SRMS: variants seen among roughly 807,000 people sequenced by gnomAD.
SRMS encodes the protein tyrosine-protein kinase Srms.
In SRMS, 42 loss-of-function variants were observed where a neutral mutation model predicts 43.5. The observed-to-expected ratio is 0.97, with a 90% CI of 0.75 to 1.25. The LOEUF is 1.25. SRMS is among the 50% of genes most tolerant of loss of function. The probability of loss-of-function intolerance (pLI) is 0.00; values close to 1 mark genes in which losing one functional copy is unlikely to be tolerated. For missense variants in SRMS, 703 were observed against 681.0 expected, an observed-to-expected ratio of 1.03 and a Z score of -0.36; for synonymous variants, 316 against 308.2, an observed-to-expected ratio of 1.03 and a Z score of -0.27.
chr20:63,546,238 AG>A (rs1292229909), intron 1 of SRMS, among the ~76,000 whole-genome samples: 4 of 152,050 alleles, frequency 2.6e-5, no homozygotes, highest in African/African-American at 9.7e-5. Context: ...GTGTGGGGTG[AG>A]GGCCTGGGGC....
chr20:63,541,741 G>T, intron 5 of SRMS, 121 bp from the exon 6 acceptor site: 1 of 1,253,228 alleles, frequency 8.0e-7, no homozygotes, highest in Non-Finnish European at 1.1e-6. Flanking sequence ...GGCGAGGATG[G>T]CATGGCCGGC....
At chr20:63,541,657 G>T (rs1261554943) in intron 5 of SRMS, 37 bp from the exon 6 acceptor site, 3 of 1,468,434 alleles carry the variant, frequency 2.0e-6, no homozygotes, top group Non-Finnish European at 2.7e-6. Flanking sequence ...AGGGCACGGG[G>T]CCAACGGCCG....
In SRMS at chr20:63,542,216, A is replaced by G. The variant is rs756841373; in HGVS notation, c.893T>C (p.Val298Ala). 2 of 1,612,516 alleles carry G rather than the reference A, an allele frequency of 1.2e-6. No individual in the cohort carries two copies. The change falls in exon 5 of 8, where the codon GTG (valine) becomes GCG (alanine). Residue 298 changes from valine (V) to alanine (A), a missense_variant. Transcript: ENST00000217188. The stretch of plus-strand genomic sequence containing the variant: ...GCGCATGAGTTCCGTGACGATGTAC[A>G]CAGGCTCCCCGCCCGAGCACACTGC... ...LHAVCSGGEP[V>A]YIVTELMRKG...
Position 63,540,732 on chromosome 20 carries a change from G to T in SRMS, c.*86C>A. ...CCACAGCCAGAGGCTCCTCGGTCCGGCAGACCGGCATCCCTTCGAGTTGGC... is the reference window on the plus strand; with the variant it reads ...CCACAGCCAGAGGCTCCTCGGTCCGTCAGACCGGCATCCCTTCGAGTTGGC... On this transcript the variant is annotated 3_prime_UTR_variant, in exon 8 of 8. Coordinates refer to ENST00000217188, the MANE Select transcript of SRMS (RefSeq NM_080823.4). 2 of 1,477,406 alleles carry T rather than the reference G, an allele frequency of 1.4e-6. No individual in the cohort carries two copies. The highest frequency in any genetic ancestry group is 1.8e-6 in the Non-Finnish European group (2 of 1,111,064). The allele number at this position is 1,477,406 out of a possible 1,614,324, so 91.5% of individuals were successfully genotyped here.
chr20:63,543,855 A>G (rs1259248035), intron 2 of SRMS: 21 of 361,342 alleles, frequency 5.8e-5, no homozygotes, highest in Non-Finnish European at 1.0e-4. Context: ...CAAATCAGTG[A>G]ATAAATGAGT....
In SRMS at chr20:63,541,364, GC is replaced by G; in HGVS notation, c.1129-18del. 2 of 1,541,550 alleles carry G rather than the reference GC, an allele frequency of 1.3e-6. No individual in the cohort carries two copies. ...GATGTCGTCCTGGGGGCGAGGGAAGGCCCCTGGTAGGGCAGGTGGACCGGGG... is the reference window on the plus strand; with the variant it reads ...GATGTCGTCCTGGGGGCGAGGGAAGGCCCTGGTAGGGCAGGTGGACCGGGG... On this transcript the variant is annotated intron_variant, in intron 6 of 7. Transcript: ENST00000217188.
rs1340591816 is a variant in SRMS, at chr20:63,538,732, G to T, written c.*2086C>A. 7.8e-6 allele frequency among the ~76,000 whole-genome samples: 1 copy of T among 128,344 alleles called. No homozygotes were observed. The highest frequency in any genetic ancestry group is 2.9e-5 in the African/African-American group (1 of 34,654). The allele number at this position is 128,344 out of a possible 152,430, so 84.2% of individuals were successfully genotyped here. ...TGCAGGGGGAGGGGTGGGGGGTGGG[G>T]AATGCGGAAGGAGGGTGCCGGGGCA... is the stretch of plus-strand genomic sequence containing the variant. On this transcript the variant is annotated 3_prime_UTR_variant, in exon 8 of 8. Transcript: ENST00000217188.
intron 3 of SRMS, 70 bp downstream of exon 3, chr20:63,543,244 G>A: frequency 6.4e-7 from 1 of 1,561,012 alleles, no homozygotes; most frequent in African/African-American, 1.3e-5. Context: ...GTGACGGGGT[G>A]GGGAGGAGCA....
chr20:63,542,129 G>A (rs202157853), intron 5 of SRMS, 34 bp downstream of exon 5: 314 of 1,589,546 alleles, frequency 2.0e-4, no homozygotes, highest in South Asian at 5.2e-4. Flanking sequence ...TCGCAGGCGC[G>A]TCAGGGCCAC....
At chr20:63,545,289 C>T (rs535718883) in intron 1 of SRMS, among the ~76,000 whole-genome samples, 95 of 152,296 alleles carry the variant, frequency 6.2e-4, no homozygotes, top group Non-Finnish European at 1.1e-3. Context: ...AAGTCCAAGG[C>T]GGGGACTCCA....
In SRMS at chr20:63,547,407, G is replaced by C. The variant is rs2082739536; in HGVS notation, c.57C>G (p.Ile19Met). The part of the protein sequence containing the change: ...LAFLSFFWDK[I>M]WPAGGEPDHG... ...GGTCCGGCTCGCCGCCCGCCGGCCA[G>C]ATCTTGTCCCAGAAGAAGGACAGGA... The change falls in exon 1 of 8, where the codon ATC becomes ATG. Residue 19 changes from isoleucine (I) to methionine (M), a missense_variant. Coordinates refer to ENST00000217188, the MANE Select transcript of SRMS (RefSeq NM_080823.4). 4.5e-6 allele frequency: 7 copies of C among 1,554,256 alleles called. No individual in the cohort carries two copies. The East Asian group carries it at 1.7e-4, about 38-fold the overall frequency.
chr20:63,544,178 G>A, intron 2 of SRMS, 49 bp downstream of exon 2: 1 of 1,391,922 alleles, frequency 7.2e-7, no homozygotes, highest in African/African-American at 1.5e-5. Flanking sequence ...CAAGGTCAAG[G>A]GCCACTGACC....
chr20:63,547,431 G>C lies in SRMS; in HGVS notation c.33C>G (p.Phe11Leu), dbSNP rs1248368657. MEPFLRRRLA[F>L]LSFFWDKIWP... is the part of the protein sequence containing the mutation. ...AGATCTTGTCCCAGAAGAAGGACAG[G>C]AAGGCCAGCCGCCTCCTGAGGAACG... Residue 11 changes from phenylalanine (F) to leucine (L), a missense_variant, in exon 1 of 8, where the codon TTC becomes TTG. Phe to Leu is a conservative substitution (Grantham distance 22). Transcript: ENST00000217188. 6.5e-7 allele frequency: 1 copy of C among 1,539,536 alleles called. No homozygotes were observed. Among genetic ancestry groups the C allele is most frequent in the South Asian group, 1.2e-5 (1 of 84,054 alleles).
intron 1 of SRMS, among the ~76,000 whole-genome samples, chr20:63,545,139 G>A (rs2082724560): frequency 6.6e-6 from 1 of 152,196 alleles, no homozygotes. Context: ...CGGGTGTCGG[G>A]AGAGGGGCCG....
chr20:63,542,789 C>T (rs769347698), intron 3 of SRMS, among the ~76,000 whole-genome samples: 11 of 152,292 alleles, frequency 7.2e-5, no homozygotes, highest in Non-Finnish European at 1.5e-4. Context: ...CTAAGTGGCA[C>T]CTTTGCCCCA....
At position 63,540,707 on chromosome 20, in the gene SRMS, C is replaced by T. The variant is rs557244035; in HGVS notation, c.*111G>A. On this transcript the variant is annotated 3_prime_UTR_variant, in exon 8 of 8. Transcript: ENST00000217188. Reference sequence around the variant, plus strand: ...ATGTGTGCACGCCAGGGCCTGAGGCCCACAGCCAGAGGCTCCTCGGTCCGG... The same window carrying T: ...ATGTGTGCACGCCAGGGCCTGAGGCTCACAGCCAGAGGCTCCTCGGTCCGG... The T allele has an allele frequency of 1.4e-6, 2 of 1,389,126 alleles. No individual in the cohort carries two copies. Among genetic ancestry groups the T allele is most frequent in the African/African-American group, 1.5e-5 (1 of 68,908 alleles). 86.1% of individuals were successfully genotyped at this position (1,389,126 alleles called of 1,614,324 possible).
intron 7 of SRMS, 28 bp downstream of exon 7, chr20:63,541,163 T>G (rs1237873510): frequency 1.3e-6 from 2 of 1,547,416 alleles, no homozygotes; most frequent in Admixed American, 2.1e-5. Context: ...AGAGCCTGCA[T>G]CCTCCCTCTG....
At position 63,539,496 on chromosome 20, in the gene SRMS, G is replaced by T. The variant is rs2082690784; in HGVS notation, c.*1322C>A. Among the ~76,000 whole-genome samples the T allele has an allele frequency of 6.6e-6, 1 of 152,204 alleles. No individual in the cohort carries two copies. Among genetic ancestry groups the T allele is most frequent in the African/African-American group, 2.4e-5 (1 of 41,454 alleles). ...CAAGGACTCAGTCAGGCCTGAACTT[G>T]TCTCCAAACTTTCTGTCCCCGAAAG... On this transcript the variant is annotated 3_prime_UTR_variant, in exon 8 of 8. Transcript: ENST00000217188.
intron 5 of SRMS, among the ~76,000 whole-genome samples, chr20:63,541,931 C>T (rs1375931457): frequency 6.6e-6 from 1 of 152,242 alleles, no homozygotes; most frequent in Non-Finnish European, 1.5e-5. Context: ...CCCCACCGCC[C>T]CCGAACACCA....
Sources: gnomAD v4.1 joint callset for allele counts (sites outside exome capture counted in the v4.1 genomes callset) on GRCh38, gnomAD v4.1.1 for gene constraint, MANE v1.5 for transcripts, NCBI Gene and HGNC (gene_info 2026-07-23, HGNC 2026-07-21) for gene names.